The following ADAM22 variants were observed in gnomAD, a reference collection of about 807,000 sequenced individuals.
ADAM22 encodes ADAM metallopeptidase domain 22, also known as disintegrin and metalloproteinase domain-containing protein 22.
ADAM22 carries 65 observed loss-of-function variants against 144.6 expected under a neutral mutation model. That is an observed-to-expected ratio of 0.45 (90% confidence interval 0.37 to 0.55). The LOEUF (loss-of-function observed/expected upper bound fraction) is 0.55. Among genes scored for constraint, ADAM22 ranks in the 20% least tolerant of loss-of-function variants. ADAM22 has a pLI of 0.00. For missense variants in ADAM22, 974 were observed against 1,184.9 expected (o/e 0.82, Z 2.61); for synonymous variants, 391 against 412.6 (o/e 0.95, Z 0.63).
At chr7:88,149,156 G>A (rs374842739) in intron 18 of ADAM22, 99 bp downstream of exon 18, 29 of 800,942 alleles carry the variant, frequency 3.6e-5, no homozygotes, top group Middle Eastern at 2.3e-4. Flanking sequence ...CAAGATGCTC[G>A]TGTCTCTTTC....
At chr7:87,991,222 G>C (rs190676795) in intron 3 of ADAM22, among the ~76,000 whole-genome samples, 145 of 151,742 alleles carry the variant, frequency 9.6e-4, no homozygotes, top group African/African-American at 3.4e-3. Flanking sequence ...TCTTAGAATT[G>C]ATTTCTAGTT....
intron 3 of ADAM22, among the ~76,000 whole-genome samples, chr7:88,017,432 C>T (rs1236425437): frequency 6.6e-6 from 1 of 152,122 alleles, no homozygotes; most frequent in Non-Finnish European, 1.5e-5. Flanking sequence ...GACAAAAGTA[C>T]TATGCTGTGT....
chr7:88,062,553 C>A (rs1201706269), intron 3 of ADAM22, among the ~76,000 whole-genome samples: 6 of 152,226 alleles, frequency 3.9e-5, no homozygotes, highest in African/African-American at 9.6e-5. Flanking sequence ...TTCATATCAG[C>A]AATAAGGCTG....
At chr7:88,173,171 C>T (rs140814177) in intron 26 of ADAM22, among the ~76,000 whole-genome samples, 1 of 151,956 alleles carries the variant, frequency 6.6e-6, no homozygotes, top group African/African-American at 2.4e-5. Context: ...GCACAAATTT[C>T]TTGTTCTAAC....
chr7:88,164,962 C>G (rs1326573830), intron 23 of ADAM22, among the ~76,000 whole-genome samples: 1 of 151,944 alleles, frequency 6.6e-6, no homozygotes, highest in African/African-American at 2.4e-5. Context: ...TTCGTTCTGC[C>G]TATTTGTTAA....
intron 4 of ADAM22, among the ~76,000 whole-genome samples, chr7:88,078,249 G>A (rs1222155134): frequency 6.6e-6 from 1 of 152,220 alleles, no homozygotes; most frequent in South Asian, 2.1e-4. Flanking sequence ...AGGGTCTGGA[G>A]TGGACCTCCA....
intron 3 of ADAM22, among the ~76,000 whole-genome samples, chr7:88,051,271 A>G (rs1806258649): frequency 6.6e-6 from 1 of 152,222 alleles, no homozygotes; most frequent in African/African-American, 2.4e-5. Flanking sequence ...TTGCGGCACT[A>G]TTCACAATAG....
intron 5 of ADAM22, among the ~76,000 whole-genome samples, chr7:88,111,121 T>C (rs1825929049): frequency 6.6e-6 from 1 of 152,158 alleles, no homozygotes; most frequent in African/African-American, 2.4e-5. Context: ...TGGAACATTG[T>C]CAGAATTGTG....
intron 4 of ADAM22, among the ~76,000 whole-genome samples, chr7:88,103,178 A>T (rs1823420043): frequency 1.3e-5 from 2 of 152,156 alleles, no homozygotes; most frequent in Non-Finnish European, 2.9e-5. Flanking sequence ...TAGAGCTGTC[A>T]AAGTCTAGTT....
intron 21 of ADAM22, among the ~76,000 whole-genome samples, chr7:88,155,427 G>A (rs182722029): frequency 6.6e-6 from 1 of 151,534 alleles, no homozygotes; most frequent in Non-Finnish European, 1.5e-5. Flanking sequence ...GGAGGCTGAG[G>A]CAGGAGGACC....
intron 3 of ADAM22, among the ~76,000 whole-genome samples, chr7:88,023,972 C>G (rs1430976643): frequency 4.6e-5 from 7 of 152,104 alleles, no homozygotes; most frequent in Admixed American, 4.6e-4. Context: ...GCTTATTTCT[C>G]TTAACATAAT....
chr7:88,183,635 A>G (rs1847628688), intron 29 of ADAM22, among the ~76,000 whole-genome samples: 1 of 151,954 alleles, frequency 6.6e-6, no homozygotes, highest in Non-Finnish European at 1.5e-5. Flanking sequence ...TTAAATTATA[A>G]TATTTAATAT....
chr7:88,139,246 C>T (rs1003057934), intron 14 of ADAM22, among the ~76,000 whole-genome samples: 6 of 152,080 alleles, frequency 3.9e-5, no homozygotes, highest in Admixed American at 6.5e-5. Context: ...GGCGAAACCC[C>T]GTCTCTACTA....
At chr7:88,055,760 C>T (rs182510626) in intron 3 of ADAM22, among the ~76,000 whole-genome samples, 45 of 152,288 alleles carry the variant, frequency 3.0e-4, no homozygotes, top group African/African-American at 9.9e-4. Context: ...GAGAGGCTCC[C>T]TAACACACCT....
At chr7:87,994,309 C>T (rs976022683) in intron 3 of ADAM22, among the ~76,000 whole-genome samples, 13 of 152,018 alleles carry the variant, frequency 8.6e-5, no homozygotes, top group Non-Finnish European at 1.3e-4. Flanking sequence ...TACAGGCGCC[C>T]GCCACCACGC....
At chr7:88,068,233 T>C (rs185742475) in intron 3 of ADAM22, among the ~76,000 whole-genome samples, 364 of 152,262 alleles carry the variant, frequency 2.4e-3, no homozygotes, top group African/African-American at 8.6e-3. Context: ...ATTCAGAGAA[T>C]GGAGAGAATG....
intron 2 of ADAM22, among the ~76,000 whole-genome samples, chr7:87,970,286 C>G (rs1318342973): frequency 1.3e-5 from 2 of 152,034 alleles, no homozygotes; most frequent in South Asian, 2.1e-4. Context: ...TGTTAGACTT[C>G]CAAGAATTAT....
At chr7:87,994,909 G>A (rs1790770972) in intron 3 of ADAM22, among the ~76,000 whole-genome samples, 1 of 151,948 alleles carries the variant, frequency 6.6e-6, no homozygotes. Context: ...CTCACTGCAA[G>A]CTCCGCCTCC....
intron 23 of ADAM22, among the ~76,000 whole-genome samples, chr7:88,163,912 G>A (rs1008375600): frequency 1.3e-5 from 2 of 152,020 alleles, no homozygotes; most frequent in Middle Eastern, 3.4e-3. Flanking sequence ...TTTTATTTTT[G>A]TTCCAGATTC....
Sources: gnomAD v4.1 joint callset for allele counts (sites outside exome capture counted in the v4.1 genomes callset) on GRCh38, gnomAD v4.1.1 for gene constraint, MANE v1.5 for transcripts, NCBI Gene and HGNC (gene_info 2026-07-23, HGNC 2026-07-21) for gene names.